The following DPYD variants were observed in gnomAD, a reference collection of about 807,000 sequenced individuals.
DPYD encodes the protein dihydropyrimidine dehydrogenase [NADP(+)].
In DPYD, 109 loss-of-function variants were observed where a neutral mutation model predicts 116.2. The ratio of observed to expected loss-of-function variants is 0.94; its 90% confidence interval spans 0.80 to 1.10. The LOEUF is 1.10. Ranked by LOEUF, DPYD falls within the 50% of genes least tolerant of loss-of-function variation. The pLI is 0.00. For missense variants in DPYD, 1,302 were observed against 1,254.5 expected (o/e 1.04, Z -0.57); for synonymous variants, 440 against 432.0 (o/e 1.02, Z -0.23).
chr1:97,888,363 T>C (rs1244646265), intron 1 of DPYD, among the ~76,000 whole-genome samples: 2 of 151,898 alleles, frequency 1.3e-5, no homozygotes, highest in Admixed American at 6.6e-5. Flanking sequence ...GCCTCAATGA[T>C]ATGTGATACA....
chr1:97,507,610 TAGAG>T (rs1226725980), intron 13 of DPYD, among the ~76,000 whole-genome samples: 1 of 152,028 alleles, frequency 6.6e-6, no homozygotes, highest in Non-Finnish European at 1.5e-5. Flanking sequence ...TTGTAATCCA[TAGAG>T]AATTACCCAG....
intron 11 of DPYD, among the ~76,000 whole-genome samples, chr1:97,563,587 A>G (rs2102142884): frequency 6.6e-6 from 1 of 152,350 alleles, no homozygotes; most frequent in African/African-American, 2.4e-5. Context: ...AAGAATGCAT[A>G]TGATATCAAC....
intron 14 of DPYD, among the ~76,000 whole-genome samples, chr1:97,403,774 T>C (rs1485583486): frequency 6.6e-6 from 1 of 152,030 alleles, no homozygotes; most frequent in Admixed American, 6.6e-5. Context: ...ATTTTCTATA[T>C]TGATTTTTTT....
intron 22 of DPYD, among the ~76,000 whole-genome samples, chr1:97,081,746 G>C (rs1406352461): frequency 7.3e-6 from 1 of 137,494 alleles, no homozygotes; most frequent in East Asian, 2.1e-4. Flanking sequence ...CTGCATGGTA[G>C]ATGCTCTGCT....
chr1:97,334,196 T>G (rs1162294532), intron 16 of DPYD, among the ~76,000 whole-genome samples: 1 of 152,236 alleles, frequency 6.6e-6, no homozygotes, highest in East Asian at 1.9e-4. Flanking sequence ...TTTTCCCCAA[T>G]AATTTCTTGT....
chr1:97,113,042 T>A (rs1345127155), intron 20 of DPYD, among the ~76,000 whole-genome samples: 1 of 152,196 alleles, frequency 6.6e-6, no homozygotes. Context: ...AACTTTAACA[T>A]GCACATTCTT....
chr1:97,138,682 G>A lies in DPYD; in HGVS notation c.2623-40050C>T, dbSNP rs144966077. Among the ~76,000 whole-genome samples, 41 of 152,194 alleles carry A rather than the reference G, an allele frequency of 2.7e-4. No individual in the cohort carries two copies. The East Asian group carries it at 7.7e-3, about 29-fold the overall frequency. On this transcript the variant is annotated intron_variant, in intron 20 of 22. Transcript: ENST00000370192. ...GGGTGACAAAGTGTTGGGAAATTTT[G>A]TTGATTTAAAAAACATAAATATGAA...
At chr1:97,765,942 A>C (rs896567866) in intron 3 of DPYD, among the ~76,000 whole-genome samples, 1 of 152,198 alleles carries the variant, frequency 6.6e-6, no homozygotes, top group African/African-American at 2.4e-5. Context: ...GTTATGCAGC[A>C]GCAAATGTAA....
chr1:97,845,399 C>T (rs1419495583), intron 2 of DPYD, among the ~76,000 whole-genome samples: 1 of 152,208 alleles, frequency 6.6e-6, no homozygotes, highest in African/African-American at 2.4e-5. Flanking sequence ...TTTGGGTCTT[C>T]ACCACTAGTT....
At chr1:97,799,458 T>C (rs767272439) in intron 3 of DPYD, among the ~76,000 whole-genome samples, 1 of 151,416 alleles carries the variant, frequency 6.6e-6, no homozygotes, top group Non-Finnish European at 1.5e-5. Flanking sequence ...TAAGCTTTCA[T>C]CCTGAAAAAA....
chr1:97,852,004 C>T (rs565396505), intron 2 of DPYD, among the ~76,000 whole-genome samples: 1 of 145,978 alleles, frequency 6.9e-6, no homozygotes, highest in East Asian at 2.0e-4. Context: ...AAAAGACATA[C>T]CAGAGACTGT....
intron 12 of DPYD, chr1:97,545,729 G>C: frequency 5.2e-6 from 7 of 1,343,818 alleles, no homozygotes; most frequent in Non-Finnish European, 7.4e-6. Flanking sequence ...GCCCCGAACC[G>C]TGAAGAAAGG....
At position 97,387,383 on chromosome 1, in the gene DPYD, T is replaced by C. The variant is rs577399970; in HGVS notation, c.1906-4922A>G. 6.6e-4 allele frequency among the ~76,000 whole-genome samples: 101 copies of C among 152,226 alleles called. 1 individual carries two copies. In the South Asian group the frequency reaches 0.019, roughly 29 times the overall value. On this transcript the variant is annotated intron_variant, in intron 14 of 22. Coordinates refer to ENST00000370192, the MANE Select transcript of DPYD (RefSeq NM_000110.4). Reference sequence around the variant, plus strand: ...AACCAATATTTCTTGAGCTCCACTATATGCCAACAGCTGTTCTAACTCAGA... The same window carrying C: ...AACCAATATTTCTTGAGCTCCACTACATGCCAACAGCTGTTCTAACTCAGA...
intron 1 of DPYD, among the ~76,000 whole-genome samples, chr1:97,907,385 G>A (rs536770264): frequency 6.6e-6 from 1 of 152,176 alleles, no homozygotes; most frequent in East Asian, 1.9e-4. Flanking sequence ...GATAGTAACA[G>A]CTTACATTTG....
intron 20 of DPYD, among the ~76,000 whole-genome samples, chr1:97,159,291 G>T (rs1185546488): frequency 6.6e-6 from 1 of 152,004 alleles, no homozygotes; most frequent in Admixed American, 6.6e-5. Flanking sequence ...AAAATAAAAA[G>T]TTCATTAGGT....
At chr1:97,493,374 C>T (rs1225624150) in intron 13 of DPYD, among the ~76,000 whole-genome samples, 1 of 152,124 alleles carries the variant, frequency 6.6e-6, no homozygotes, top group Non-Finnish European at 1.5e-5. Context: ...ATCCAGAGCC[C>T]AGAGGAGTTC....
At chr1:97,618,400 G>A (rs539432308) in intron 8 of DPYD, among the ~76,000 whole-genome samples, 4 of 147,094 alleles carry the variant, frequency 2.7e-5, no homozygotes, top group African/African-American at 1.0e-4. Flanking sequence ...TTTCTAGATG[G>A]AGTCTGGCTC....
At chr1:97,281,315 T>C (rs925253118) in intron 18 of DPYD, among the ~76,000 whole-genome samples, 5 of 150,752 alleles carry the variant, frequency 3.3e-5, no homozygotes, top group Admixed American at 3.3e-4. Flanking sequence ...AACAAGAAAT[T>C]AAAAGGAAAA....
chr1:97,228,176 A>C (rs1557954978), intron 19 of DPYD, among the ~76,000 whole-genome samples: 2 of 151,816 alleles, frequency 1.3e-5, no homozygotes, highest in Admixed American at 6.6e-5. Context: ...AAATACTCTA[A>C]ATTTCTACAA....
Sources: allele counts gnomAD v4.1 joint callset (sites outside exome capture counted in the v4.1 genomes callset), GRCh38; gene constraint gnomAD v4.1.1; transcripts MANE v1.5; gene names NCBI Gene and HGNC (gene_info 2026-07-23, HGNC 2026-07-21).